HPSE2: variants seen among roughly 807,000 people sequenced by gnomAD.
The protein encoded by HPSE2 is heparanase 2 (inactive).
In HPSE2, 38 loss-of-function variants were observed where a neutral mutation model predicts 60.5. That is an observed-to-expected ratio of 0.63 (90% CI 0.48 to 0.82). The LOEUF (loss-of-function observed/expected upper bound fraction) is 0.82, where lower values mean the gene tolerates loss of function less well. Among genes scored for constraint, HPSE2 ranks in the 40% least tolerant of loss-of-function variants. The pLI, the probability that HPSE2 is intolerant of heterozygous loss-of-function variation, is 0.00. For synonymous variants in HPSE2, 295 were observed against 293.2 expected (o/e 1.01, Z -0.06); for missense variants, 713 against 740.4 (o/e 0.96, Z 0.43).
the HPSE2 span, among the ~76,000 whole-genome samples, chr10:99,313,765 A>AT: frequency 1.0e-4 from 15 of 149,702 alleles, no homozygotes; most frequent in African/African-American, 2.0e-4. Context: ...ATGCCCAGCT[A>AT]TTTTTTTTTT....
chr10:99,032,164 T>C (rs1957512887), intron 3 of HPSE2, among the ~76,000 whole-genome samples: 1 of 152,152 alleles, frequency 6.6e-6, no homozygotes, highest in South Asian at 2.1e-4. Flanking sequence ...AGGACATCAG[T>C]AAGAAGGTGA....
intron 6 of HPSE2, among the ~76,000 whole-genome samples, chr10:98,679,329 T>C (rs1293063660): frequency 6.6e-6 from 1 of 152,230 alleles, no homozygotes; most frequent in East Asian, 1.9e-4. Context: ...ACTATTTTCA[T>C]AACAATACCA....
At chr10:98,853,098 A>G (rs887956480) in intron 3 of HPSE2, among the ~76,000 whole-genome samples, 7 of 152,232 alleles carry the variant, frequency 4.6e-5, no homozygotes, top group African/African-American at 1.7e-4. Context: ...TGTCACAGAG[A>G]CATTTTCATA....
chr10:99,290,661 G>T, the HPSE2 span, among the ~76,000 whole-genome samples: 1 of 152,140 alleles, frequency 6.6e-6, no homozygotes, highest in Non-Finnish European at 1.5e-5. Flanking sequence ...GCACAGAGTT[G>T]TAAGGAATAA....
intron 7 of HPSE2, among the ~76,000 whole-genome samples, chr10:98,629,981 T>C (rs1443481342): frequency 6.6e-6 from 1 of 152,142 alleles, no homozygotes; most frequent in Non-Finnish European, 1.5e-5. Flanking sequence ...TATTTGTCCA[T>C]GGGAGTATTT....
intron 5 of HPSE2, among the ~76,000 whole-genome samples, chr10:98,715,373 T>C (rs956229468): frequency 6.6e-6 from 1 of 152,022 alleles, no homozygotes; most frequent in Non-Finnish European, 1.5e-5. Context: ...ACCATATATT[T>C]CTATATCATT....
chr10:98,664,746 T>C (rs579642), intron 6 of HPSE2, among the ~76,000 whole-genome samples: 28,130 of 152,126 alleles, frequency 0.18, 3,079 homozygotes, highest in East Asian at 0.33. Context: ...AATAAAGATC[T>C]TGTTAAGAGC....
At chr10:99,075,203 C>T (rs1385788517) in intron 3 of HPSE2, among the ~76,000 whole-genome samples, 31 of 152,046 alleles carry the variant, frequency 2.0e-4, no homozygotes, top group Admixed American at 2.0e-3. Context: ...TTTGCTGCAT[C>T]TTATAGGTTT....
chr10:98,714,497 T>C (rs1260952846), intron 5 of HPSE2, among the ~76,000 whole-genome samples: 1 of 151,898 alleles, frequency 6.6e-6, no homozygotes, highest in Non-Finnish European at 1.5e-5. Flanking sequence ...GTGACCATAA[T>C]ATTTTTAAGG....
intron 9 of HPSE2, among the ~76,000 whole-genome samples, chr10:98,598,357 C>G (rs1945305344): frequency 1.3e-5 from 2 of 151,690 alleles, no homozygotes; most frequent in Non-Finnish European, 3.0e-5. Flanking sequence ...GTCCTCAGGG[C>G]TGGGCCTGGA....
At chr10:99,240,728 G>T (rs919469367), upstream of HPSE2, among the ~76,000 whole-genome samples, 15 of 152,112 alleles carry the variant, frequency 9.9e-5, no homozygotes, top group Non-Finnish European at 1.3e-4. Flanking sequence ...GATTTCTTTT[G>T]ACTTTTCCTA....
At chr10:98,462,425 T>C (rs150598674) in intron 11 of HPSE2, among the ~76,000 whole-genome samples, 6,989 of 152,180 alleles carry the variant, frequency 0.046, 446 homozygotes, top group African/African-American at 0.14. Flanking sequence ...GCGATCCACC[T>C]GCCTTGGCCT....
At chr10:99,136,065 C>T (rs577112031) in intron 3 of HPSE2, among the ~76,000 whole-genome samples, 3 of 151,972 alleles carry the variant, frequency 2.0e-5, no homozygotes, top group Non-Finnish European at 4.4e-5. Context: ...ATATCACCAC[C>T]GATCCCACAG....
At chr10:99,028,521 G>A (rs1275358320) in intron 3 of HPSE2, among the ~76,000 whole-genome samples, 1 of 152,128 alleles carries the variant, frequency 6.6e-6, no homozygotes, top group African/African-American at 2.4e-5. Context: ...CATATTTATG[G>A]ATCAGAAGAA....
At position 98,939,425 on chromosome 10, in the gene HPSE2, T is replaced by C. The variant is rs1292660361; in HGVS notation, c.611-195369A>G. Among the ~76,000 whole-genome samples, 5 of 142,644 alleles carry C rather than the reference T, an allele frequency of 3.5e-5. 1 individual carries two copies. The highest frequency in any genetic ancestry group is 7.5e-5 in the Non-Finnish European group (5 of 67,002). 93.6% of individuals were successfully genotyped at this position (142,644 alleles called of 152,430 possible). Reference sequence around the variant, plus strand: ...AATGGAAAACAAAAAAAGGCAGGGGTTGCAATCCTAGTCTCTCATAAAACA... The same window carrying C: ...AATGGAAAACAAAAAAAGGCAGGGGCTGCAATCCTAGTCTCTCATAAAACA... On this transcript the variant is annotated intron_variant, in intron 3 of 11. Coordinates refer to ENST00000370552, the MANE Select transcript of HPSE2 (RefSeq NM_021828.5).
chr10:98,850,474 C>A (rs1952142739), intron 3 of HPSE2, among the ~76,000 whole-genome samples: 1 of 152,136 alleles, frequency 6.6e-6, no homozygotes, highest in Non-Finnish European at 1.5e-5. Context: ...CGGTGGCTCA[C>A]ACCTGTAATC....
chr10:99,086,573 CG>C (rs1843329434), intron 3 of HPSE2, among the ~76,000 whole-genome samples: 2 of 151,394 alleles, frequency 1.3e-5, no homozygotes, highest in Non-Finnish European at 2.9e-5. Flanking sequence ...GGGATGGTCT[CG>C]ATCTCCTGAC....
intron 9 of HPSE2, among the ~76,000 whole-genome samples, chr10:98,563,837 T>C (rs1944262185): frequency 6.6e-6 from 1 of 152,138 alleles, no homozygotes; most frequent in African/African-American, 2.4e-5. Flanking sequence ...ATCATAGCAC[T>C]TTCCACAAAT....
At chr10:99,218,273 C>G (rs903825953) in intron 2 of HPSE2, among the ~76,000 whole-genome samples, 3 of 150,628 alleles carry the variant, frequency 2.0e-5, no homozygotes, top group African/African-American at 4.9e-5. Flanking sequence ...CTGAAGGAAA[C>G]TCAGAATGTC....
Sources: gnomAD v4.1 joint callset for allele counts (sites outside exome capture counted in the v4.1 genomes callset) on GRCh38, gnomAD v4.1.1 for gene constraint, MANE v1.5 for transcripts, NCBI Gene and HGNC (gene_info 2026-07-23, HGNC 2026-07-21) for gene names.